Variants in PTPRU observed in about 807,000 individuals in gnomAD.
PTPRU encodes receptor-type tyrosine-protein phosphatase U.
Under a neutral mutation model 166.3 loss-of-function variants are expected in PTPRU, and 69 were observed. The ratio of observed to expected loss-of-function variants is 0.41; its 90% confidence interval spans 0.34 to 0.51. The LOEUF (loss-of-function observed/expected upper bound fraction) is 0.51. Among genes scored for constraint, PTPRU ranks in the 20% least tolerant of loss-of-function variants. The pLI, the probability that PTPRU is intolerant of heterozygous loss-of-function variation, is 0.09. For synonymous variants in PTPRU, 793 were observed against 814.0 expected (o/e 0.97, Z 0.44); for missense variants, 1,657 against 2,013.7 (o/e 0.82, Z 3.39).
chr1:29,251,286 GGTCA>G (rs1462423769), intron 1 of PTPRU, among the ~76,000 whole-genome samples: 2 of 152,084 alleles, frequency 1.3e-5, no homozygotes, highest in African/African-American at 2.4e-5. Context: ...CTCTGGATGC[GGTCA>G]GTCAGTCAGC....
chr1:29,307,274 T>C lies in PTPRU; in HGVS notation c.2820+1846T>C, dbSNP rs528906430. 138 of 1,264,808 alleles carry C rather than the reference T, an allele frequency of 1.1e-4. No homozygotes were observed. In the African/African-American group the frequency reaches 1.6e-3, roughly 15 times the overall value. The allele number at this position is 1,264,808 out of a possible 1,614,324, so 78.3% of individuals were successfully genotyped here. A position where few individuals can be genotyped will look rare whatever the true frequency, so the allele number is the denominator to read the frequency against. On this transcript the variant is annotated intron_variant, in intron 18 of 29. Transcript: ENST00000373779. ...TCTCTGTCCTTCCTTTCTACTTATG[T>C]GCCCAGCACCAACCGTCCATTTCAG...
chr1:29,284,613 T>G, intron 13 of PTPRU, 118 bp from the exon 14 acceptor site: 2 of 1,399,514 alleles, frequency 1.4e-6, no homozygotes, highest in Non-Finnish European at 2.0e-6. Flanking sequence ...AGGACACACA[T>G]TGAGGATGTA....
chr1:29,308,480 TTGCTTAAGCCTGGGAGGCAGAAG>T (rs1392083366), intron 18 of PTPRU, among the ~76,000 whole-genome samples: 1 of 146,966 alleles, frequency 6.8e-6, no homozygotes, highest in East Asian at 2.0e-4. Context: ...AGTGGGAGGG[TTGCTTAAGCCTGGGAGGCAGAAG>T]TTGCAGTGAG....
chr1:29,260,469 C>A lies in PTPRU; in HGVS notation c.851-141C>A, dbSNP rs1213574108. On this transcript the variant is annotated intron_variant, in intron 6 of 29. Coordinates refer to ENST00000373779, the MANE Select transcript of PTPRU (RefSeq NM_133178.4). This position sits in a 1 kb window ranked among gnomAD's most constrained non-coding sequence, Gnocchi z 8.3. ...CCGGGATTTAGTGGGGGTAGGAGAG[C>A]GGGTCTGGTTGAGGGCTTGGTAGCA... 2 of 636,784 alleles carry A rather than the reference C, an allele frequency of 3.1e-6. No individual in the cohort carries two copies. The highest frequency in any genetic ancestry group is 4.0e-5 in the Admixed American group (1 of 24,816). The allele number at this position is 636,784 out of a possible 1,614,324, so 39.4% of individuals were successfully genotyped here. A position where few individuals can be genotyped will look rare whatever the true frequency, so the allele number is the denominator to read the frequency against.
Position 29,259,435 on chromosome 1 carries a change from C to T in PTPRU, c.560-14C>T, listed in dbSNP as rs1684926947. On this transcript the variant is annotated splice_polypyrimidine_tract_variant and intron_variant, in intron 4 of 29. Coordinates refer to ENST00000373779, the MANE Select transcript of PTPRU (RefSeq NM_133178.4). The stretch of plus-strand genomic sequence containing the variant: ...GGTGCAGGCCCAGCTCACGATGCAG[C>T]TCTAACCCCGCAGCAAAGGCCCCAC... 2 of 1,610,072 alleles carry T rather than the reference C, an allele frequency of 1.2e-6. No homozygotes were observed. The highest frequency in any genetic ancestry group is 2.7e-5 in the African/African-American group (2 of 75,010).
intron 18 of PTPRU, among the ~76,000 whole-genome samples, chr1:29,309,645 C>A (rs906343080): frequency 6.6e-6 from 1 of 152,210 alleles, no homozygotes; most frequent in Non-Finnish European, 1.5e-5. Flanking sequence ...CTCACAACAG[C>A]CCTCAGAGGT....
intron 11 of PTPRU, 63 bp from the exon 12 acceptor site, chr1:29,282,613 C>A: frequency 6.5e-7 from 1 of 1,538,986 alleles, no homozygotes; most frequent in Non-Finnish European, 8.8e-7. Context: ...CCTTTAACTG[C>A]CAGCTGGCTC....
intron 1 of PTPRU, among the ~76,000 whole-genome samples, chr1:29,245,281 T>C (rs1684243759): frequency 6.6e-6 from 1 of 152,286 alleles, no homozygotes; most frequent in East Asian, 1.9e-4. Flanking sequence ...CTTCAGCCTT[T>C]GCCCTTGGAG....
Position 29,317,881 on chromosome 1 carries a change from A to C in PTPRU, c.3647A>C (p.Asp1216Ala), listed in dbSNP as rs773499522. ...DRCLPFLIST[D>A]GDSNNYINAA... Reference sequence around the variant, plus strand: ...TGCCTGCCCTTCCTCATCTCCACTGATGGGGACTCCAACAACTACATTAAT... The same window carrying C: ...TGCCTGCCCTTCCTCATCTCCACTGCTGGGGACTCCAACAACTACATTAAT... The change falls in exon 25 of 30, where the codon GAT becomes GCT. Residue 1216 changes from aspartate (D) to alanine (A), a missense_variant. Around this residue, in one of 3 missense-constraint regions of PTPRU, gnomAD observed 1,190 missense variants for 1,477.4 expected, o/e 0.81. Coordinates refer to ENST00000373779, the MANE Select transcript of PTPRU (RefSeq NM_133178.4). This position sits in a 1 kb window ranked among gnomAD's most constrained non-coding sequence, Gnocchi z 5.6. 22 of 1,613,846 alleles carry C rather than the reference A, an allele frequency of 1.4e-5. No individual in the cohort carries two copies. In the South Asian group the frequency reaches 1.6e-4, roughly 12 times the overall value.
chr1:29,314,241 G>A (rs778782489), intron 22 of PTPRU, among the ~76,000 whole-genome samples: 7 of 152,162 alleles, frequency 4.6e-5, no homozygotes, highest in Non-Finnish European at 5.9e-5. Context: ...GCCAAGAAAT[G>A]TATTTCTTTC....
At chr1:29,325,558 G>T (rs901917578) in intron 29 of PTPRU, 41 bp from the exon 30 acceptor site, 2 of 1,576,364 alleles carry the variant, frequency 1.3e-6, no homozygotes, top group African/African-American at 1.4e-5. Flanking sequence ...ACTGGAGTTG[G>T]GGTCAGGCTC....
chr1:29,324,565 C>T (rs78412441), intron 28 of PTPRU, among the ~76,000 whole-genome samples: 2,071 of 152,314 alleles, frequency 0.014, 59 homozygotes, highest in African/African-American at 0.047. Context: ...CCAGTCTTCT[C>T]AGCATTCCTG....
Position 29,311,591 on chromosome 1 carries a change from G to C in PTPRU, c.2955+38G>C. On this transcript the variant is annotated intron_variant, in intron 20 of 29. Coordinates refer to ENST00000373779, the MANE Select transcript of PTPRU (RefSeq NM_133178.4). The surrounding 1 kb of genome is among the most constrained non-coding windows in gnomAD (Gnocchi z 4.1). ...GTGGGGCGAGCTGGGGCGCATGGCA[G>C]GCCAAGGGGGCAGCAAAGAGCCCAC... is the stretch of plus-strand genomic sequence containing the variant. 6.2e-7 allele frequency: 1 copy of C among 1,614,100 alleles called. No homozygotes were observed. Among genetic ancestry groups the C allele is most frequent in the Non-Finnish European group, 8.5e-7 (1 of 1,179,932 alleles).
intron 18 of PTPRU, chr1:29,307,224 C>G (rs1000356081): frequency 1.3e-6 from 2 of 1,511,200 alleles, no homozygotes; most frequent in Admixed American, 3.4e-5. Context: ...GACTCTCTCA[C>G]GGTCTCTGGC....
Position 29,317,912 on chromosome 1 carries a change from C to G in PTPRU, c.3678C>G (p.Ala1226=). 6.2e-7 allele frequency: 1 copy of G among 1,613,880 alleles called. No individual in the cohort carries two copies. The change falls in exon 25 of 30, where the codon GCC becomes GCG. Residue 1226 remains alanine (A), a synonymous_variant. Coordinates refer to ENST00000373779, the MANE Select transcript of PTPRU (RefSeq NM_133178.4). This position sits in a 1 kb window ranked among gnomAD's most constrained non-coding sequence, Gnocchi z 5.6. ...ACTCCAACAACTACATTAATGCAGC[C>G]CTGACTGACGTGAGAGCTTGGGGTG... The part of the protein sequence containing the change: ...DGDSNNYINA[A]LTDSYTRSAA...
At position 29,320,797 on chromosome 1, in the gene PTPRU, A is replaced by G; in HGVS notation, c.3800A>G (p.Asn1267Ser). Reference protein sequence around the residue: ...DYGCTSIVMLNQLNQSNSAWP... With the variant: ...DYGCTSIVMLSQLNQSNSAWP... ...GGGTGCACCTCCATCGTCATGCTCA[A>G]CCAGCTGAACCAGTCCAACTCCGCC... The change falls in exon 26 of 30, where the codon AAC becomes AGC. Residue 1267 changes from asparagine to serine, a missense_variant. Asn to Ser is a conservative substitution (Grantham distance 46). Around this residue, in one of 3 missense-constraint regions of PTPRU, gnomAD observed 1,190 missense variants for 1,477.4 expected, o/e 0.81. Transcript: ENST00000373779. This position sits in a 1 kb window ranked among gnomAD's most constrained non-coding sequence, Gnocchi z 5.2. 1.3e-6 allele frequency: 2 copies of G among 1,596,480 alleles called. No homozygotes were observed. Among genetic ancestry groups the G allele is most frequent in the Non-Finnish European group, 1.7e-6 (2 of 1,166,770 alleles).
chr1:29,322,432 G>A (rs548291115), intron 26 of PTPRU, among the ~76,000 whole-genome samples: 1 of 152,226 alleles, frequency 6.6e-6, no homozygotes, highest in Non-Finnish European at 1.5e-5. Context: ...ATGTATCGGC[G>A]ATGGCTTCCT....
rs529973028 is a variant in PTPRU, at chr1:29,315,337, A to C, written c.3228-35A>C. On this transcript the variant is annotated intron_variant, in intron 22 of 29. Transcript: ENST00000373779. This position sits in a 1 kb window ranked among gnomAD's most constrained non-coding sequence, Gnocchi z 4.5. ...CCTTAGTCCCGGGCTTCCTCCCCAAAGCTCTGACCTGGTCTGGGGCTGCTC... is the reference window on the plus strand; with the variant it reads ...CCTTAGTCCCGGGCTTCCTCCCCAACGCTCTGACCTGGTCTGGGGCTGCTC... 6.2e-6 allele frequency: 10 copies of C among 1,613,222 alleles called. No individual in the cohort carries two copies. In the South Asian group the frequency reaches 9.9e-5, roughly 16 times the overall value.
chr1:29,312,797 G>T, intron 22 of PTPRU, 91 bp downstream of exon 22: 1 of 1,445,562 alleles, frequency 6.9e-7, no homozygotes, highest in South Asian at 1.4e-5. Context: ...CTGTAGTGGG[G>T]ACCAGGCCTG....
Sources: gnomAD v4.1 joint callset for allele counts (sites outside exome capture counted in the v4.1 genomes callset) on GRCh38, gnomAD v4.1.1 for gene constraint, gnomAD v4.1.1 regional missense constraint, Gnocchi (gnomAD v3.1) non-coding constraint, MANE v1.5 for transcripts, NCBI Gene and HGNC (gene_info 2026-07-23, HGNC 2026-07-21) for gene names.